Variants in AGPAT3 observed in about 807,000 individuals in gnomAD.
AGPAT3 encodes 1-acyl-sn-glycerol-3-phosphate acyltransferase gamma.
AGPAT3 carries 5 observed loss-of-function variants against 47.3 expected under a neutral mutation model. That is an observed-to-expected ratio of 0.11 (90% confidence interval 0.06 to 0.22). The LOEUF is 0.22. AGPAT3 is among the 10% of genes least tolerant of loss of function. The pLI is 1.00. For missense variants in AGPAT3, 315 were observed against 493.0 expected (o/e 0.64, Z 3.42); for synonymous variants, 212 against 208.3 (o/e 1.02, Z -0.15).
At chr21:43,904,578 G>A (rs540944942) in intron 2 of AGPAT3, among the ~76,000 whole-genome samples, 8 of 152,282 alleles carry the variant, frequency 5.3e-5, no homozygotes, top group South Asian at 2.1e-4. Context: ...TGGGGGACGC[G>A]CTCCTCAGGA....
chr21:43,936,618 T>C (rs1333431793), intron 2 of AGPAT3, among the ~76,000 whole-genome samples: 7 of 152,260 alleles, frequency 4.6e-5, no homozygotes, highest in Non-Finnish European at 1.5e-5. Flanking sequence ...CCTATAATAC[T>C]TCTGTTCTAT....
Position 43,880,567 on chromosome 21 carries a change from C to T in AGPAT3, c.-112+15222C>T, listed in dbSNP as rs1465487104. ...ACTCAGAGACAGTAGCTACCCTTTT[C>T]CCAGTGGTATTGCCACTGAGTGTGG... On this transcript the variant is annotated intron_variant, in intron 1 of 9. Coordinates refer to ENST00000291572, the MANE Select transcript of AGPAT3 (RefSeq NM_020132.5). The surrounding 1 kb of genome is among the most constrained non-coding windows in gnomAD (Gnocchi z 4.5). 6.6e-6 allele frequency among the ~76,000 whole-genome samples: 1 copy of T among 152,190 alleles called. No homozygotes were observed. The highest frequency in any genetic ancestry group is 2.4e-5 in the African/African-American group (1 of 41,442).
In AGPAT3 at chr21:43,961,585, C is replaced by T. The variant is rs1378116876; in HGVS notation, c.178+1726C>T. On this transcript the variant is annotated intron_variant, in intron 3 of 9. Coordinates refer to ENST00000291572, the MANE Select transcript of AGPAT3 (RefSeq NM_020132.5). Reference sequence around the variant, plus strand: ...CAGTGAGCGCGTAGACACTTTGTCTCGTGGGAAATGGTGAACCCACATACA... The same window carrying T: ...CAGTGAGCGCGTAGACACTTTGTCTTGTGGGAAATGGTGAACCCACATACA... 8.3e-5 allele frequency among the ~76,000 whole-genome samples: 11 copies of T among 132,614 alleles called. 1 individual carries two copies. In the East Asian group the frequency reaches 2.1e-3, roughly 26 times the overall value. 87.0% of individuals were successfully genotyped at this position (132,614 alleles called of 152,430 possible). A position where few individuals can be genotyped will look rare whatever the true frequency, so the allele number is the denominator to read the frequency against.
At position 43,943,091 on chromosome 21, in the gene AGPAT3, G is replaced by A. The variant is rs149973195; in HGVS notation, c.-48-16543G>A. Among the ~76,000 whole-genome samples, 1,387 of 152,028 alleles carry A rather than the reference G, an allele frequency of 9.1e-3. 22 individuals carry two copies. Among genetic ancestry groups the A allele is most frequent in the Middle Eastern group, 0.068 (20 of 292 alleles). ...CTTTTTTTCTTTTTTTTGGTGGGGG[G>A]CGGGATGGAGTCTCGCTCTGTCGCT... On this transcript the variant is annotated intron_variant, in intron 2 of 9. Coordinates refer to ENST00000291572, the MANE Select transcript of AGPAT3 (RefSeq NM_020132.5).
In AGPAT3 at chr21:43,955,102, C is replaced by T. The variant is rs1030530664; in HGVS notation, c.-48-4532C>T. On this transcript the variant is annotated intron_variant, in intron 2 of 9. Transcript: ENST00000291572. The surrounding 1 kb of genome is among the most constrained non-coding windows in gnomAD (Gnocchi z 4.1). Reference sequence around the variant, plus strand: ...TGCCTGTCGGCAGGGAGCGTATCACCGTGGCACGTCCATGCCGTGGGGGTC... The same window carrying T: ...TGCCTGTCGGCAGGGAGCGTATCACTGTGGCACGTCCATGCCGTGGGGGTC... 1.3e-5 allele frequency: 16 copies of T among 1,267,380 alleles called. No homozygotes were observed. Among genetic ancestry groups the T allele is most frequent in the African/African-American group, 4.6e-5 (3 of 65,154 alleles). 78.5% of individuals were successfully genotyped at this position (1,267,380 alleles called of 1,614,324 possible).
intron 1 of AGPAT3, among the ~76,000 whole-genome samples, chr21:43,875,143 G>C (rs950180170): frequency 6.6e-6 from 1 of 152,014 alleles, no homozygotes; most frequent in Non-Finnish European, 1.5e-5. Flanking sequence ...ACCACGCCTG[G>C]GGTAATTTTT....
intron 2 of AGPAT3, among the ~76,000 whole-genome samples, chr21:43,931,546 T>C (rs2087243844): frequency 6.6e-6 from 1 of 151,710 alleles, no homozygotes; most frequent in African/African-American, 2.4e-5. Context: ...AGCTTTGTTC[T>C]TCTTAACCTT....
chr21:43,947,293 G>A (rs1303079261), intron 2 of AGPAT3, among the ~76,000 whole-genome samples: 3 of 152,242 alleles, frequency 2.0e-5, no homozygotes, highest in African/African-American at 7.2e-5. Context: ...ACCTGGCGGG[G>A]AGCTTCTCGC....
At chr21:43,898,616 T>G (rs1267457818) in intron 1 of AGPAT3, among the ~76,000 whole-genome samples, 1 of 152,160 alleles carries the variant, frequency 6.6e-6, no homozygotes, top group Admixed American at 6.5e-5. Flanking sequence ...AGCCTCCGCC[T>G]CCTAGGTTCA....
Position 43,952,711 on chromosome 21 carries a change from A to G in AGPAT3, c.-48-6923A>G, listed in dbSNP as rs2088260362. Reference sequence around the variant, plus strand: ...TCTGGGCGACCTAAACCTGTTGTTTAATGAAGGGGCTCAGAAGCAACTCAG... The same window carrying G: ...TCTGGGCGACCTAAACCTGTTGTTTGATGAAGGGGCTCAGAAGCAACTCAG... On this transcript the variant is annotated intron_variant, in intron 2 of 9. Coordinates refer to ENST00000291572, the MANE Select transcript of AGPAT3 (RefSeq NM_020132.5). The surrounding 1 kb of genome is among the most constrained non-coding windows in gnomAD (Gnocchi z 5.6). Among the ~76,000 whole-genome samples, 1 of 151,948 alleles carries G rather than the reference A, an allele frequency of 6.6e-6. No individual in the cohort carries two copies. Among genetic ancestry groups the G allele is most frequent in the Non-Finnish European group, 1.5e-5 (1 of 67,986 alleles).
intron 2 of AGPAT3, among the ~76,000 whole-genome samples, chr21:43,913,810 C>G (rs1204242604): frequency 1.3e-5 from 2 of 152,126 alleles, no homozygotes. Flanking sequence ...CAGAGTTATC[C>G]CATCCAAAAT....
chr21:43,958,407 TGTG>T (rs770669117), intron 2 of AGPAT3, among the ~76,000 whole-genome samples: 16 of 151,708 alleles, frequency 1.1e-4, no homozygotes, highest in Admixed American at 2.6e-4. Flanking sequence ...GCGTGTGGGA[TGTG>T]GTGTATGTGT....
In AGPAT3 at chr21:43,955,561, T is replaced by C. The variant is rs1344007445; in HGVS notation, c.-48-4073T>C. Among the ~76,000 whole-genome samples, 1 of 152,020 alleles carries C rather than the reference T, an allele frequency of 6.6e-6. No individual in the cohort carries two copies. Among genetic ancestry groups the C allele is most frequent in the Non-Finnish European group, 1.5e-5 (1 of 67,992 alleles). ...TTCCTGCCTCGGCCTCCCAAAGTGC[T>C]CAGATTACAGGTGTGAGCCACCGCG... is the stretch of plus-strand genomic sequence containing the variant. On this transcript the variant is annotated intron_variant, in intron 2 of 9. Transcript: ENST00000291572. This position sits in a 1 kb window ranked among gnomAD's most constrained non-coding sequence, Gnocchi z 4.1.
intron 8 of AGPAT3, among the ~76,000 whole-genome samples, chr21:43,980,021 A>G (rs569876942): frequency 6.6e-6 from 1 of 152,222 alleles, no homozygotes; most frequent in South Asian, 2.1e-4. Flanking sequence ...GGTGGCTCAC[A>G]TCTGTAATCC....
chr21:43,939,217 G>A lies in AGPAT3; in HGVS notation c.-48-20417G>A, dbSNP rs115994976. On this transcript the variant is annotated intron_variant, in intron 2 of 9. Transcript: ENST00000291572. The surrounding 1 kb of genome is among the most constrained non-coding windows in gnomAD (Gnocchi z 4.4). ...GACCCTGAGCGAGAATGCACTGGCC[G>A]GGCCTCCAGGGGGCGCTCCCTTAGG... is the stretch of plus-strand genomic sequence containing the variant. Among the ~76,000 whole-genome samples the A allele has an allele frequency of 5.1e-3, 782 of 152,208 alleles. 4 individuals are homozygous for A. Among genetic ancestry groups the A allele is most frequent in the African/African-American group, 0.018 (736 of 41,512 alleles).
chr21:43,894,815 A>G (rs2086179131), intron 1 of AGPAT3, among the ~76,000 whole-genome samples: 1 of 152,174 alleles, frequency 6.6e-6, no homozygotes, highest in Non-Finnish European at 1.5e-5. Context: ...GTTCATTCCT[A>G]TGAAAAGGCA....
chr21:43,963,815 AC>A (rs2088996224), intron 3 of AGPAT3, among the ~76,000 whole-genome samples: 1 of 152,120 alleles, frequency 6.6e-6, no homozygotes, highest in African/African-American at 2.4e-5. Flanking sequence ...CAGATTTCTT[AC>A]GGCAGGCAGC....
intron 3 of AGPAT3, among the ~76,000 whole-genome samples, chr21:43,962,188 G>T (rs1371799229): frequency 2.6e-5 from 4 of 151,964 alleles, no homozygotes; most frequent in Non-Finnish European, 4.4e-5. Context: ...ATTTTTAGTA[G>T]AGACGGGGTT....
At chr21:43,961,553 T>C (rs2088851418) in intron 3 of AGPAT3, among the ~76,000 whole-genome samples, 1 of 142,364 alleles carries the variant, frequency 7.0e-6, no homozygotes, top group African/African-American at 2.7e-5. Context: ...TTGTCTCATA[T>C]GGAAAACAGT....
Sources: allele counts gnomAD v4.1 joint callset (sites outside exome capture counted in the v4.1 genomes callset), GRCh38; gene constraint gnomAD v4.1.1; non-coding constraint Gnocchi (gnomAD v3.1); transcripts MANE v1.5; gene names NCBI Gene and HGNC (gene_info 2026-07-23, HGNC 2026-07-21).